The following ZNF782 variants were observed in gnomAD, a reference collection of about 807,000 sequenced individuals.
ZNF782 encodes the protein zinc finger protein 782.
In ZNF782, 12 loss-of-function variants were observed where a neutral mutation model predicts 13.0. That is an observed-to-expected ratio of 0.92 (90% CI 0.59 to 1.50). The LOEUF is 1.50. Among genes scored for constraint, ZNF782 ranks in the 40% most tolerant of loss-of-function variants. The pLI is 0.00. For missense variants in ZNF782, 770 were observed against 822.9 expected (o/e 0.94, Z 0.79); for synonymous variants, 284 against 283.0 (o/e 1.00, Z -0.04).
At chr9:96,933,280 T>C in the ZNF782 span, among the ~76,000 whole-genome samples, 297 of 151,256 alleles carry the variant, frequency 2.0e-3, no homozygotes, top group East Asian at 8.9e-3. Flanking sequence ...GCCCGGCTTT[T>C]ACTTTCAATA....
At chr9:96,888,768 T>C in the ZNF782 span, 2 of 152,216 alleles carry the variant, frequency 1.3e-5, no homozygotes, top group East Asian at 1.9e-4. Flanking sequence ...ATCGGGCGCA[T>C]GGTAAGCACT....
chr9:96,822,371 A>C (rs917615340), intron 5 of ZNF782, among the ~76,000 whole-genome samples: 11 of 152,244 alleles, frequency 7.2e-5, no homozygotes, highest in Non-Finnish European at 1.2e-4. Context: ...TCCAGGTGGG[A>C]ATGGAGCACA....
At position 96,819,244 on chromosome 9, in the gene ZNF782, A is replaced by G. The variant is rs377417254; in HGVS notation, c.779T>C (p.Ile260Thr). 8.7e-6 allele frequency: 14 copies of G among 1,611,684 alleles called. No individual in the cohort carries two copies. The highest frequency in any genetic ancestry group is 1.7e-5 in the Admixed American group (1 of 59,552). The change falls in exon 6 of 6, where the codon ATT becomes ACT. Residue 260 changes from isoleucine (I) to threonine (T), a missense_variant. Physicochemically the swap from Ile to Thr is moderately conservative, Grantham distance 89 (BLOSUM62 -1). Transcript: ENST00000481138. ...ENKYDKSTFI[I>T]PQNMNPEKSH... ...CTTCTCTGGATTCATGTTCTGAGGA[A>G]TAATAAAGGTTGATTTATCATATTT...
At chr9:96,847,945 C>A (rs1445585595) in intron 3 of ZNF782, among the ~76,000 whole-genome samples, 1 of 152,122 alleles carries the variant, frequency 6.6e-6, no homozygotes, top group African/African-American at 2.4e-5. Flanking sequence ...TAACTGAATA[C>A]AATAGCACAT....
the ZNF782 span, among the ~76,000 whole-genome samples, chr9:96,915,854 C>CAT: frequency 4.2e-3 from 615 of 145,894 alleles, 4 homozygotes; most frequent in African/African-American, 0.015. Flanking sequence ...GTGGGCATGT[C>CAT]ATATATTAAA....
At chr9:96,836,800 T>C (rs183574834) in intron 4 of ZNF782, among the ~76,000 whole-genome samples, 19 of 152,176 alleles carry the variant, frequency 1.2e-4, no homozygotes, top group Admixed American at 1.1e-3. Context: ...TCCCAAAGGG[T>C]TGAGTTCTCA....
At chr9:96,853,918 T>C (rs896708729) in intron 1 of ZNF782, among the ~76,000 whole-genome samples, 170 bp downstream of exon 1, 6 of 152,376 alleles carry the variant, frequency 3.9e-5, no homozygotes, top group African/African-American at 1.4e-4. Context: ...AGTCCGCTCA[T>C]GGCTTAGTAG....
At chr9:96,866,397 G>A (rs567083133) in intron 1 of ZNF782, among the ~76,000 whole-genome samples, 17 of 152,234 alleles carry the variant, frequency 1.1e-4, no homozygotes, top group Non-Finnish European at 2.4e-4. Flanking sequence ...CTTTTATGTG[G>A]TGTCGAGCCT....
At chr9:96,871,232 A>T (rs951164843) in intron 1 of ZNF782, among the ~76,000 whole-genome samples, 1 of 152,172 alleles carries the variant, frequency 6.6e-6, no homozygotes, top group Non-Finnish European at 1.5e-5. Flanking sequence ...AAGCATACAT[A>T]TGCAGGCTAT....
At chr9:96,894,367 TATCTG>T in the ZNF782 span, 1 of 152,208 alleles carries the variant, frequency 6.6e-6, no homozygotes, top group African/African-American at 2.4e-5. Flanking sequence ...CCATGCTCAA[TATCTG>T]ATCATCCTCC....
intron 2 of ZNF782, among the ~76,000 whole-genome samples, chr9:96,852,519 C>T (rs189093818): frequency 8.5e-5 from 13 of 152,178 alleles, no homozygotes; most frequent in East Asian, 1.9e-4. Flanking sequence ...TGGTGGCATG[C>T]GCCTGTGGTC....
rs533209267 is a variant in ZNF782 at position 96,835,031 on chromosome 9, G to A, written c.143-7850C>T. Among the ~76,000 whole-genome samples the A allele has an allele frequency of 2.0e-5, 3 of 152,278 alleles. No individual in the cohort carries two copies. In the South Asian group the frequency reaches 6.2e-4, roughly 32 times the overall value. ...AGACCATTCTGCTAAGATCTCAGAT[G>A]GAAATGAGGAAGCATTATTAGGAAC... On this transcript the variant is annotated intron_variant, in intron 4 of 5. Coordinates refer to ENST00000481138, the MANE Select transcript of ZNF782 (RefSeq NM_001001662.3).
At chr9:96,910,998 A>G in the ZNF782 span, among the ~76,000 whole-genome samples, 1 of 147,402 alleles carries the variant, frequency 6.8e-6, no homozygotes, top group African/African-American at 2.5e-5. Context: ...TTTACATTTT[A>G]TATTTTTGTA....
the ZNF782 span, among the ~76,000 whole-genome samples, chr9:96,927,206 AG>A: frequency 2.0e-5 from 3 of 152,258 alleles, no homozygotes; most frequent in Non-Finnish European, 4.4e-5. Context: ...GAGAGACTCC[AG>A]CCAGGATTCA....
At chr9:96,880,777 A>G in the ZNF782 span, among the ~76,000 whole-genome samples, 1 of 152,192 alleles carries the variant, frequency 6.6e-6, no homozygotes, top group East Asian at 1.9e-4. Flanking sequence ...CTTTGATATC[A>G]GCATAATGTT....
the ZNF782 span, chr9:96,910,227 A>C: frequency 1.4e-6 from 1 of 717,690 alleles, no homozygotes; most frequent in Non-Finnish European, 2.5e-6. Flanking sequence ...GCTGACAAGG[A>C]GGTAGATGAA....
At chr9:96,841,021 A>G (rs1192430001) in intron 4 of ZNF782, among the ~76,000 whole-genome samples, 2 of 152,012 alleles carry the variant, frequency 1.3e-5, no homozygotes. Flanking sequence ...GAACAAAAAA[A>G]TAAAAGAGCA....
chr9:96,875,103 C>T (rs1417887397), intron 1 of ZNF782, among the ~76,000 whole-genome samples: 1 of 152,164 alleles, frequency 6.6e-6, no homozygotes. Flanking sequence ...TTCGACAGCA[C>T]CTGAGACCGG....
the ZNF782 span, among the ~76,000 whole-genome samples, chr9:96,880,858 G>A: frequency 0.02 from 3,081 of 152,170 alleles, 180 homozygotes; most frequent in East Asian, 0.24. Flanking sequence ...TAAAACTGAT[G>A]TCATTTCATC....
Sources: allele counts gnomAD v4.1 joint callset (sites outside exome capture counted in the v4.1 genomes callset), GRCh38; gene constraint gnomAD v4.1.1; transcripts MANE v1.5; gene names NCBI Gene and HGNC (gene_info 2026-07-23, HGNC 2026-07-21).